RTL9: variants seen among roughly 807,000 people sequenced by gnomAD.
The protein encoded by RTL9 is retrotransposon Gag-like protein 9.
In RTL9, 19 loss-of-function variants were observed where a neutral mutation model predicts 44.7. The ratio of observed to expected loss-of-function variants is 0.42; its 90% CI spans 0.30 to 0.62. The LOEUF (loss-of-function observed/expected upper bound fraction) is 0.62, where lower values mean the gene tolerates loss of function less well. Among genes scored for constraint, RTL9 ranks in the 20% least tolerant of loss-of-function variants. RTL9 has a pLI of 0.16. For missense variants in RTL9, 1,105 were observed against 1,080.6 expected (o/e 1.02, Z -0.32); for synonymous variants, 407 against 398.9 (o/e 1.02, Z -0.24).
At chrX:110,446,543 C>T (rs1390159549), upstream of RTL9, among the ~76,000 whole-genome samples, 15 of 110,384 alleles carry the variant, frequency 1.4e-4, no homozygotes, top group Admixed American at 1.3e-3. Context: ...TTTTTCTTTT[C>T]GTATTATGGG....
chrX:110,388,040 T>A (rs763336414), intron 1 of RTL9, among the ~76,000 whole-genome samples: 5 of 110,196 alleles, frequency 4.5e-5, no homozygotes, highest in Non-Finnish European at 7.6e-5. Context: ...TTTCTTTTTT[T>A]GTATTTTTAG....
In RTL9 at chrX:110,423,055, C is replaced by T. The variant is rs763799721; in HGVS notation, c.-168+3920C>T. Among the ~76,000 whole-genome samples, 67 of 112,087 alleles carry T rather than the reference C, an allele frequency of 6.0e-4. 1 individual carries two copies. The highest frequency in any genetic ancestry group is 1.0e-3 in the Non-Finnish European group (55 of 53,203). Reference sequence around the variant, plus strand: ...TAAAGAAGACAGAGGAGGCCGGGCGCGGTGTCTCATGCCTGTAATCCCAGC... The same window carrying T: ...TAAAGAAGACAGAGGAGGCCGGGCGTGGTGTCTCATGCCTGTAATCCCAGC... On this transcript the variant is annotated intron_variant, in intron 1 of 3. Coordinates refer to the RTL9 transcript ENST00000465301.
At chrX:110,413,098 C>G (rs1237407199) in intron 1 of RTL9, among the ~76,000 whole-genome samples, 1 of 111,527 alleles carries the variant, frequency 9.0e-6, no homozygotes, top group Non-Finnish European at 1.9e-5. Flanking sequence ...CCATACCATC[C>G]TCATACTGCT....
intron 1 of RTL9, among the ~76,000 whole-genome samples, chrX:110,433,748 T>C (rs2068816083): frequency 8.9e-6 from 1 of 112,290 alleles, no homozygotes; most frequent in Non-Finnish European, 1.9e-5. Flanking sequence ...TTTCTTCTTA[T>C]CATGATCATC....
At chrX:110,410,213 T>G (rs1292648314) in intron 1 of RTL9, among the ~76,000 whole-genome samples, 1 of 111,355 alleles carries the variant, frequency 9.0e-6, no homozygotes, top group African/African-American at 3.3e-5. Flanking sequence ...TCCCCTGTAT[T>G]GGTGGTGGGA....
chrX:110,436,009 C>T (rs781303913), intron 1 of RTL9, among the ~76,000 whole-genome samples: 11 of 112,478 alleles, frequency 9.8e-5, no homozygotes, highest in Admixed American at 6.5e-4. Context: ...CAAAGCCTGC[C>T]GGTGTGGCTC....
At chrX:110,443,408 G>A (rs2068893144) in intron 1 of RTL9, among the ~76,000 whole-genome samples, 1 of 111,569 alleles carries the variant, frequency 9.0e-6, no homozygotes, top group African/African-American at 3.3e-5. Flanking sequence ...GTTTTCCCAG[G>A]GAGCACTTGA....
At chrX:110,407,531 A>G (rs2068611353) in intron 1 of RTL9, among the ~76,000 whole-genome samples, 1 of 112,597 alleles carries the variant, frequency 8.9e-6, no homozygotes, top group African/African-American at 3.2e-5. Context: ...CATTTTCCAG[A>G]CATTCATTAT....
chrX:110,449,830 G>C (rs2068928772), upstream of RTL9, among the ~76,000 whole-genome samples: 1 of 112,161 alleles, frequency 8.9e-6, no homozygotes, highest in Non-Finnish European at 1.9e-5. Context: ...AATATCTATT[G>C]CCCAGGAGAT....
In RTL9 at chrX:110,442,553, T is replaced by C. The variant is rs2068888627; in HGVS notation, c.-167-2600T>C. Among the ~76,000 whole-genome samples, 4 of 111,128 alleles carry C rather than the reference T, an allele frequency of 3.6e-5. No individual in the cohort carries two copies. The South Asian group carries it at 1.5e-3, about 43-fold the overall frequency. On this transcript the variant is annotated intron_variant, in intron 1 of 3. Coordinates refer to the RTL9 transcript ENST00000465301. ...GTTTTTTCCTTGACTGTGGTCTAGT[T>C]TTTTAAAAACTTGTATTCCCGACCT...
chrX:110,451,299 G>A (rs867188400), exon 1 of RTL9: 6 of 1,211,862 alleles, frequency 5.0e-6, no homozygotes, highest in African/African-American at 3.5e-5. Context: ...CAGCTCTGAG[G>A]CAATGTCCCC....
At chrX:110,448,828 G>A (rs1366896332), upstream of RTL9, among the ~76,000 whole-genome samples, 2 of 110,910 alleles carry the variant, frequency 1.8e-5, no homozygotes, top group African/African-American at 3.3e-5. Flanking sequence ...AGCTAGGGGC[G>A]CAAAGGATAC....
intron 1 of RTL9, among the ~76,000 whole-genome samples, chrX:110,406,983 G>T (rs1200060580): frequency 9.0e-6 from 1 of 111,430 alleles, no homozygotes; most frequent in Non-Finnish European, 1.9e-5. Flanking sequence ...CTCTGCACAG[G>T]AGCTGAATGC....
chrX:110,375,627 A>T (rs2068371285), intron 1 of RTL9, among the ~76,000 whole-genome samples: 1 of 112,084 alleles, frequency 8.9e-6, no homozygotes, highest in South Asian at 3.7e-4. Context: ...ACTTCAAATG[A>T]AATCAGGGAT....
At chrX:110,377,858 A>T (rs978004877) in intron 1 of RTL9, among the ~76,000 whole-genome samples, 12 of 108,087 alleles carry the variant, frequency 1.1e-4, no homozygotes, top group African/African-American at 4.1e-4. Flanking sequence ...AAATACAAAA[A>T]ATTAGCCGGG....
chrX:110,406,796 T>G (rs752710784), intron 1 of RTL9, among the ~76,000 whole-genome samples: 4 of 112,339 alleles, frequency 3.6e-5, no homozygotes, highest in African/African-American at 9.7e-5. Flanking sequence ...TCATAGTGCC[T>G]GGCATGTAGT....
intron 1 of RTL9, among the ~76,000 whole-genome samples, chrX:110,395,106 T>C (rs1043100750): frequency 3.6e-5 from 4 of 112,631 alleles, no homozygotes; most frequent in Non-Finnish European, 7.5e-5. Context: ...ATGTAGGTTG[T>C]TTCAGGGGCT....
chrX:110,383,155 G>T (rs1331995941), intron 1 of RTL9, among the ~76,000 whole-genome samples: 1 of 111,578 alleles, frequency 9.0e-6, no homozygotes. Context: ...AGTTACTTAA[G>T]ATTGCACCCA....
intron 1 of RTL9, among the ~76,000 whole-genome samples, chrX:110,391,894 T>C (rs1202700060): frequency 8.9e-6 from 1 of 112,219 alleles, no homozygotes; most frequent in Non-Finnish European, 1.9e-5. Flanking sequence ...TCCCTGATTT[T>C]GTCAAAGGCT....
Sources: gnomAD v4.1 joint callset for allele counts (sites outside exome capture counted in the v4.1 genomes callset) on GRCh38, gnomAD v4.1.1 for gene constraint, MANE v1.5 for transcripts, NCBI Gene and HGNC (gene_info 2026-07-23, HGNC 2026-07-21) for gene names.